CSMD1: variants seen among roughly 807,000 people sequenced by gnomAD.
The protein encoded by CSMD1 is CUB and sushi domain-containing protein 1.
Under a neutral mutation model 417.5 loss-of-function variants are expected in CSMD1, and 213 were observed. That is an observed-to-expected ratio of 0.51 (90% CI 0.46 to 0.57). CSMD1 has a LOEUF of 0.57. Among genes scored for constraint, CSMD1 ranks in the 20% least tolerant of loss-of-function variants. CSMD1 has a pLI of 0.00. For synonymous variants in CSMD1, 2,862 were observed against 1,736.8 expected, an observed-to-expected ratio of 1.65 and a Z score of -16.11; for missense variants, 6,923 against 4,529.7, an observed-to-expected ratio of 1.53 and a Z score of -15.17.
chr8:3,058,018 T>C (rs2128992263), intron 49 of CSMD1, among the ~76,000 whole-genome samples: 1 of 152,298 alleles, frequency 6.6e-6, no homozygotes. Context: ...TTATTCTCAC[T>C]TTCTTGCCTT....
At position 2,957,323 on chromosome 8, in the gene CSMD1, G is replaced by A. The variant is rs1585049800; in HGVS notation, c.9814+373C>T. On this transcript the variant is annotated intron_variant, in intron 63 of 69. Coordinates refer to ENST00000635120, the MANE Select transcript of CSMD1 (RefSeq NM_033225.6). Reference sequence around the variant, plus strand: ...GGAGAATAATAGCACGTACAAATAAGTTTTCCCTCTAAGAATGTTCAATAT... The same window carrying A: ...GGAGAATAATAGCACGTACAAATAAATTTTCCCTCTAAGAATGTTCAATAT... 2.6e-5 allele frequency among the ~76,000 whole-genome samples: 4 copies of A among 152,172 alleles called. No homozygotes were observed. The South Asian group carries it at 8.3e-4, about 31-fold the overall frequency.
chr8:4,804,684 A>T (rs1387362270), intron 1 of CSMD1, among the ~76,000 whole-genome samples: 1 of 152,188 alleles, frequency 6.6e-6, no homozygotes, highest in Non-Finnish European at 1.5e-5. Context: ...TCAAAATATA[A>T]AACCAATATT....
chr8:3,004,991 T>C (rs1475796298), intron 52 of CSMD1, among the ~76,000 whole-genome samples: 1 of 151,948 alleles, frequency 6.6e-6, no homozygotes, highest in Non-Finnish European at 1.5e-5. Flanking sequence ...ATACAAAAAT[T>C]AGCTGAGCAA....
At chr8:3,717,193 AATT>A (rs1221489658) in intron 6 of CSMD1, among the ~76,000 whole-genome samples, 1 of 152,190 alleles carries the variant, frequency 6.6e-6, no homozygotes, top group Non-Finnish European at 1.5e-5. Flanking sequence ...TTTCATTGAT[AATT>A]ATTACATTTC....
chr8:4,850,621 T>C (rs1055129136), intron 1 of CSMD1, among the ~76,000 whole-genome samples: 6 of 152,056 alleles, frequency 3.9e-5, no homozygotes, highest in Non-Finnish European at 8.8e-5. Flanking sequence ...AGTCTCTTTC[T>C]TTTCTCTCTA....
At chr8:3,534,771 G>C (rs1464284127) in intron 10 of CSMD1, among the ~76,000 whole-genome samples, 2 of 152,166 alleles carry the variant, frequency 1.3e-5, no homozygotes, top group Non-Finnish European at 2.9e-5. Flanking sequence ...TTAAAGCTAA[G>C]ATTACTTTAT....
chr8:4,885,376 A>G (rs1279104756), intron 1 of CSMD1, among the ~76,000 whole-genome samples: 3 of 152,104 alleles, frequency 2.0e-5, no homozygotes, highest in Non-Finnish European at 4.4e-5. Context: ...AATGTTGAAC[A>G]GAAGTACCAA....
At chr8:3,168,765 G>C (rs886471665) in intron 37 of CSMD1, among the ~76,000 whole-genome samples, 7 of 152,068 alleles carry the variant, frequency 4.6e-5, no homozygotes, top group African/African-American at 1.7e-4. Context: ...AAAAGATTTT[G>C]TCTCATCTGT....
At chr8:4,538,406 G>A (rs1201992075) in intron 2 of CSMD1, among the ~76,000 whole-genome samples, 1 of 151,980 alleles carries the variant, frequency 6.6e-6, no homozygotes, top group Non-Finnish European at 1.5e-5. Flanking sequence ...ACTTTGGGAG[G>A]CCGAGGCAGG....
intron 11 of CSMD1, among the ~76,000 whole-genome samples, chr8:3,485,689 G>C (rs1388215159): frequency 2.0e-5 from 3 of 151,756 alleles, no homozygotes; most frequent in African/African-American, 7.3e-5. Context: ...GAACTTGAGA[G>C]GCAGCAGTTG....
chr8:4,824,542 A>C (rs1799706618), intron 1 of CSMD1, among the ~76,000 whole-genome samples: 1 of 152,192 alleles, frequency 6.6e-6, no homozygotes, highest in African/African-American at 2.4e-5. Context: ...AGAAAGTTCT[A>C]TTAATAATTA....
At chr8:3,959,135 A>G (rs1812157356) in intron 5 of CSMD1, among the ~76,000 whole-genome samples, 1 of 152,208 alleles carries the variant, frequency 6.6e-6, no homozygotes, top group South Asian at 2.1e-4. Flanking sequence ...ACCAGTCTTT[A>G]CATATTTAAA....
chr8:3,255,313 G>A (rs182192055), intron 26 of CSMD1, among the ~76,000 whole-genome samples: 1 of 152,138 alleles, frequency 6.6e-6, no homozygotes, highest in Non-Finnish European at 1.5e-5. Flanking sequence ...CTTCTCGGGG[G>A]ACAGGGACCC....
chr8:3,369,848 A>C (rs1263563539), intron 18 of CSMD1, among the ~76,000 whole-genome samples: 2 of 152,216 alleles, frequency 1.3e-5, no homozygotes, highest in Non-Finnish European at 2.9e-5. Context: ...ATGGGAGCTT[A>C]AGTGCTCAAC....
intron 6 of CSMD1, among the ~76,000 whole-genome samples, chr8:3,738,055 A>G (rs1379110775): frequency 6.6e-6 from 1 of 152,244 alleles, no homozygotes; most frequent in Admixed American, 6.5e-5. Flanking sequence ...GTAAGTTTCA[A>G]ACACTAATGT....
chr8:4,072,743 C>G (rs1024379086), intron 3 of CSMD1, among the ~76,000 whole-genome samples: 2 of 152,136 alleles, frequency 1.3e-5, no homozygotes, highest in African/African-American at 4.8e-5. Context: ...ACAACTTTTG[C>G]CTTACTCTCT....
At position 2,962,576 on chromosome 8, in the gene CSMD1, T is replaced by C. The variant is rs950232340; in HGVS notation, c.9518A>G (p.Tyr3173Cys). Residue 3173 changes from tyrosine to cysteine, a missense_variant, in exon 61 of 70, where the codon TAT becomes TGT. By Grantham distance (194) the Tyr-to-Cys change is radical (BLOSUM62 -2). Coordinates refer to ENST00000635120, the MANE Select transcript of CSMD1 (RefSeq NM_033225.6). ...EGRLSGKSFT[Y>C]KSEVFFQCKS... ...GCACTGGAAGAAGACTTCGGACTTA[T>C]AGGTGAAACTTTTCCCACTAAGTCG... The C allele has an allele frequency of 8.1e-6, 13 of 1,613,904 alleles. No homozygotes were observed. Among genetic ancestry groups the C allele is most frequent in the Non-Finnish European group, 1.0e-5 (12 of 1,179,860 alleles).
At chr8:3,701,623 T>A (rs545810637) in intron 7 of CSMD1, among the ~76,000 whole-genome samples, 1 of 149,568 alleles carries the variant, frequency 6.7e-6, no homozygotes, top group East Asian at 1.9e-4. Flanking sequence ...CTACGAATAT[T>A]ATAATTATAA....
intron 3 of CSMD1, among the ~76,000 whole-genome samples, chr8:4,084,520 T>C (rs960962234): frequency 6.6e-6 from 1 of 152,178 alleles, no homozygotes; most frequent in Admixed American, 6.5e-5. Flanking sequence ...GTTTTTATTT[T>C]TCCTTACTTC....
Sources: allele counts gnomAD v4.1 joint callset (sites outside exome capture counted in the v4.1 genomes callset), GRCh38; gene constraint gnomAD v4.1.1; transcripts MANE v1.5; gene names NCBI Gene and HGNC (gene_info 2026-07-23, HGNC 2026-07-21).